OTP: variants seen among roughly 807,000 people sequenced by gnomAD.
OTP encodes the protein orthopedia homeobox, also known as homeobox protein orthopedia.
A neutral mutation model predicts 22.3 loss-of-function variants in OTP; 5 were observed. The ratio of observed to expected loss-of-function variants is 0.22; its 90% CI spans 0.12 to 0.47. The LOEUF (loss-of-function observed/expected upper bound fraction) is 0.47. Among genes scored for constraint, OTP ranks in the 20% least tolerant of loss-of-function variants. OTP has a pLI of 0.99. For synonymous variants in OTP, 229 were observed against 210.6 expected, an observed-to-expected ratio of 1.09 and a Z score of -0.76; for missense variants, 428 against 456.2, an observed-to-expected ratio of 0.94 and a Z score of 0.56.
Position 77,630,495 on chromosome 5 carries a change from G to A in OTP, c.747C>T (p.Ser249=), listed in dbSNP as rs1744910548. The A allele has an allele frequency of 6.3e-7, 1 of 1,593,420 alleles. No individual in the cohort carries two copies. ...CCGCCAGGCTGTTGGACAGGCCCAT[G>A]GAGTTGGGCGGCGGACCGGCCGCCA... is the stretch of plus-strand genomic sequence containing the variant. ...CSLAAGPPPN[S]MGLSNSLAGS... Residue 249 remains serine, a synonymous_variant, in exon 3 of 3, where the codon TCC becomes TCT. Coordinates refer to ENST00000306422, the MANE Select transcript of OTP (RefSeq NM_032109.3).
At chr5:77,632,359 C>T (rs1744944785) in intron 2 of OTP, among the ~76,000 whole-genome samples, 1 of 152,202 alleles carries the variant, frequency 6.6e-6, no homozygotes, top group African/African-American at 2.4e-5. Context: ...GTTTACTGTG[C>T]CTAAATATAA....
chr5:77,629,368 T>C lies in OTP; in HGVS notation c.*896A>G, dbSNP rs1470976609. ...CCTTCCCTTCTACACTCTCACACAG[T>C]TGTGCTTAAGAAAATGAAAATAAGA... On this transcript the variant is annotated 3_prime_UTR_variant, in exon 3 of 3. Transcript: ENST00000306422. 10 of 152,142 alleles carry C rather than the reference T, an allele frequency of 6.6e-5. No homozygotes were observed. The highest frequency in any genetic ancestry group is 1.2e-4 in the Non-Finnish European group (8 of 68,048). The allele number at this position is 152,142 out of a possible 1,614,324, so 9.4% of individuals were successfully genotyped here.
intron 2 of OTP, among the ~76,000 whole-genome samples, chr5:77,632,434 G>A (rs548256763): frequency 3.3e-5 from 5 of 152,204 alleles, no homozygotes; most frequent in African/African-American, 1.2e-4. Context: ...ATTTGACCAC[G>A]ATATCCGTGG....
At chr5:77,632,602 C>A (rs1395245591) in intron 2 of OTP, among the ~76,000 whole-genome samples, 1 of 152,160 alleles carries the variant, frequency 6.6e-6, no homozygotes, top group Non-Finnish European at 1.5e-5. Flanking sequence ...TCTACGCTTA[C>A]CAGTGTGAAC....
At chr5:77,637,911 A>G (rs892311026) in intron 1 of OTP, among the ~76,000 whole-genome samples, 1 of 152,202 alleles carries the variant, frequency 6.6e-6, no homozygotes, top group African/African-American at 2.4e-5. Context: ...AGAGATTTCA[A>G]CTTTTCTTTC....
At position 77,630,511 on chromosome 5, in the gene OTP, C is replaced by T. The variant is rs202055986; in HGVS notation, c.731G>A (p.Gly244Asp). Residue 244 changes from glycine to aspartate, a missense_variant, in exon 3 of 3, where the codon GGT becomes GAT. Gly to Asp is a moderately conservative substitution (Grantham distance 94, BLOSUM62 -1). Transcript: ENST00000306422. ...QSLSQCSLAA[G>D]PPPNSMGLSN... ...CAGGCCCATGGAGTTGGGCGGCGGA[C>T]CGGCCGCCAGGCTGCACTGGGACAG... 3.1e-6 allele frequency: 5 copies of T among 1,591,544 alleles called. No homozygotes were observed. Among genetic ancestry groups the T allele is most frequent in the Non-Finnish European group, 4.3e-6 (5 of 1,171,526 alleles).
At chr5:77,631,315 C>G (rs1744925493) in intron 2 of OTP, among the ~76,000 whole-genome samples, 1 of 152,140 alleles carries the variant, frequency 6.6e-6, no homozygotes, top group Non-Finnish European at 1.5e-5. Flanking sequence ...AAAGGAAAAC[C>G]CCTAACGCTA....
chr5:77,635,833 C>A (rs558758946), intron 2 of OTP: 1 of 151,986 alleles, frequency 6.6e-6, no homozygotes, highest in Admixed American at 6.5e-5. Flanking sequence ...AGAGTGAGTA[C>A]CGGCGCTTGG....
At chr5:77,632,632 C>A (rs915794684) in intron 2 of OTP, among the ~76,000 whole-genome samples, 1 of 152,208 alleles carries the variant, frequency 6.6e-6, no homozygotes, top group African/African-American at 2.4e-5. Context: ...GTCTAGAATA[C>A]TCCCCCAGCT....
chr5:77,630,110 G>A lies in OTP; in HGVS notation c.*154C>T. Reference sequence around the variant, plus strand: ...GCGGGCTGGGGCTTGGGGTGAGCCCGAGCGAGTGGAGGAGAGAGGCGAGGA... The same window carrying A: ...GCGGGCTGGGGCTTGGGGTGAGCCCAAGCGAGTGGAGGAGAGAGGCGAGGA... On this transcript the variant is annotated 3_prime_UTR_variant, in exon 3 of 3. Transcript: ENST00000306422. The A allele has an allele frequency of 2.8e-6, 1 of 356,492 alleles. No individual in the cohort carries two copies. Among genetic ancestry groups the A allele is most frequent in the East Asian group, 5.5e-5 (1 of 18,114 alleles). 22.1% of individuals were successfully genotyped at this position (356,492 alleles called of 1,614,324 possible).
intron 2 of OTP, 98 bp from the exon 3 acceptor site, chr5:77,630,892 C>T: frequency 1.5e-6 from 2 of 1,290,948 alleles, no homozygotes; most frequent in Non-Finnish European, 2.1e-6. Context: ...TCGGATACAG[C>T]CGCTCTGCCC....
chr5:77,630,382 A>T lies in OTP; in HGVS notation c.860T>A (p.Val287Asp), dbSNP rs897040855. ...VPASLPGPSN[V>D]SGSPQLCSSP... ...GCTGCAGAGCTGGGGCGAACCGGAG[A>T]CGTTGCTGGGGCCGGGGAGGGAGGC... The change falls in exon 3 of 3, where the codon GTC becomes GAC. Residue 287 changes from valine to aspartate, a missense_variant. Val to Asp is a radical substitution (Grantham distance 152). Coordinates refer to ENST00000306422, the MANE Select transcript of OTP (RefSeq NM_032109.3). The T allele has an allele frequency of 1.9e-6, 3 of 1,579,288 alleles. No individual in the cohort carries two copies. The highest frequency in any genetic ancestry group is 2.6e-6 in the Non-Finnish European group (3 of 1,166,354).
Position 77,630,498 on chromosome 5 carries a change from G to T in OTP, c.744C>A (p.Asn248Lys). Residue 248 changes from asparagine to lysine, a missense_variant, in exon 3 of 3, where the codon AAC (asparagine) becomes AAA (lysine). This residue lies in a region of OTP where 236 missense variants were observed against 238.1 expected (regional missense o/e 0.99). Coordinates refer to ENST00000306422, the MANE Select transcript of OTP (RefSeq NM_032109.3). Reference protein sequence around the residue: ...QCSLAAGPPPNSMGLSNSLAG... With the variant: ...QCSLAAGPPPKSMGLSNSLAG... ...CCAGGCTGTTGGACAGGCCCATGGA[G>T]TTGGGCGGCGGACCGGCCGCCAGGC... The T allele has an allele frequency of 6.3e-7, 1 of 1,593,390 alleles. No individual in the cohort carries two copies. Among genetic ancestry groups the T allele is most frequent in the Non-Finnish European group, 8.5e-7 (1 of 1,172,104 alleles).
At position 77,636,816 on chromosome 5, in the gene OTP, C is replaced by G. The variant is rs768314028; in HGVS notation, c.447+5G>C. 1.2e-6 allele frequency: 2 copies of G among 1,604,954 alleles called. No individual in the cohort carries two copies. The highest frequency in any genetic ancestry group is 1.7e-5 in the Admixed American group (1 of 59,534). ...CTTCTGTCCCAGATCCCAAGCCCCTCGTACCTGCACTCGGGACTCGGTCAG... is the reference window on the plus strand; with the variant it reads ...CTTCTGTCCCAGATCCCAAGCCCCTGGTACCTGCACTCGGGACTCGGTCAG... On this transcript the variant is annotated splice_donor_5th_base_variant and intron_variant, in intron 2 of 2. Coordinates refer to ENST00000306422, the MANE Select transcript of OTP (RefSeq NM_032109.3).
chr5:77,630,602 T>G lies in OTP; in HGVS notation c.640A>C (p.Met214Leu). Residue 214 changes from methionine to leucine, a missense_variant, in exon 3 of 3, where the codon ATG (methionine) becomes CTG (leucine). Coordinates refer to ENST00000306422, the MANE Select transcript of OTP (RefSeq NM_032109.3). ...ANDTRWAAAA[M>L]PGVSQLPLPP... ...AGAGGCAGCTGTGACACGCCAGGCA[T>G]GGCGGCCGCCGCCCAGCGGGTGTCG... The G allele has an allele frequency of 6.4e-7, 1 of 1,554,316 alleles. No individual in the cohort carries two copies.
chr5:77,632,967 C>T (rs1744953056), intron 2 of OTP, among the ~76,000 whole-genome samples: 1 of 152,124 alleles, frequency 6.6e-6, no homozygotes, highest in South Asian at 2.1e-4. Context: ...AGGCTGGACT[C>T]GGGGGAGGTA....
In OTP at chr5:77,638,669, G is replaced by T. The variant is rs530135303; in HGVS notation, c.-120C>A. ...ATATATATAGATCACCTAAATGAAA[G>T]AAAATTCGGTTTGTGGTTAAAAAGG... is the stretch of plus-strand genomic sequence containing the variant. On this transcript the variant is annotated 5_prime_UTR_variant, in exon 1 of 3. Transcript: ENST00000306422. 6.0e-6 allele frequency: 6 copies of T among 995,010 alleles called. No homozygotes were observed. In the African/African-American group the frequency reaches 6.8e-5, roughly 11 times the overall value. 61.6% of individuals were successfully genotyped at this position (995,010 alleles called of 1,614,324 possible).
intron 2 of OTP, 41 bp from the exon 3 acceptor site, chr5:77,630,835 C>A: frequency 1.3e-6 from 2 of 1,487,448 alleles, no homozygotes; most frequent in Non-Finnish European, 1.8e-6. Flanking sequence ...GAGCTATTAG[C>A]CGGCCCGGCG....
intron 2 of OTP, 70 bp from the exon 3 acceptor site, chr5:77,630,864 G>A: frequency 7.0e-6 from 10 of 1,428,336 alleles, no homozygotes; most frequent in South Asian, 4.3e-5. Context: ...GTTGGGGCTT[G>A]AGCCCCAGAA....
Sources: gnomAD v4.1 joint callset for allele counts (sites outside exome capture counted in the v4.1 genomes callset) on GRCh38, gnomAD v4.1.1 for gene constraint, gnomAD v4.1.1 regional missense constraint, MANE v1.5 for transcripts, NCBI Gene and HGNC (gene_info 2026-07-23, HGNC 2026-07-21) for gene names.